The following DPH5 variants were observed in gnomAD, a reference collection of about 807,000 sequenced individuals.
DPH5 encodes the protein diphthamide biosynthesis 5.
A neutral mutation model predicts 31.6 loss-of-function variants in DPH5; 31 were observed. The observed-to-expected ratio is 0.98, with a 90% CI of 0.74 to 1.32. The LOEUF is 1.32. Ranked by LOEUF, DPH5 falls within the 40% of genes most tolerant of loss-of-function variation. The probability of loss-of-function intolerance (pLI) is 0.00; values close to 1 mark genes in which losing one functional copy is unlikely to be tolerated. For missense variants in DPH5, 309 were observed against 335.7 expected (o/e 0.92, Z 0.62); for synonymous variants, 120 against 115.0 (o/e 1.04, Z -0.28).
At chr1:101,001,804 A>G (rs1209655467) in intron 4 of DPH5, among the ~76,000 whole-genome samples, 1 of 152,164 alleles carries the variant, frequency 6.6e-6, no homozygotes, top group African/African-American at 2.4e-5. Flanking sequence ...TTTCAGTAAT[A>G]AGTTTCTAGT....
intron 7 of DPH5, among the ~76,000 whole-genome samples, chr1:100,990,963 A>T (rs1456152514): frequency 6.6e-6 from 1 of 152,232 alleles, no homozygotes; most frequent in Non-Finnish European, 1.5e-5. Context: ...TTTATTACAC[A>T]CAGGTTTTTA....
At chr1:101,012,433 C>A (rs149598161) in intron 4 of DPH5, among the ~76,000 whole-genome samples, 133 of 152,338 alleles carry the variant, frequency 8.7e-4, no homozygotes, top group Non-Finnish European at 1.5e-3. Flanking sequence ...TGGACACCCC[C>A]AGAAGGGAAG....
At chr1:101,009,116 T>A (rs1659454471) in intron 4 of DPH5, among the ~76,000 whole-genome samples, 1 of 152,220 alleles carries the variant, frequency 6.6e-6, no homozygotes, top group Non-Finnish European at 1.5e-5. Context: ...CCCATGACTT[T>A]AACTCTTCCC....
intron 5 of DPH5, among the ~76,000 whole-genome samples, chr1:100,998,793 G>T (rs1000471588): frequency 6.6e-6 from 1 of 152,206 alleles, no homozygotes; most frequent in African/African-American, 2.4e-5. Flanking sequence ...AGACTATGAA[G>T]AAAGTAGTGT....
rs74229559 is a variant in DPH5, at chr1:101,009,013, C to G, written c.369+4697G>C. 8.7e-3 allele frequency among the ~76,000 whole-genome samples: 1,318 copies of G among 152,272 alleles called. 11 individuals carry two copies. The highest frequency in any genetic ancestry group is 0.037 in the East Asian group (192 of 5,186). On this transcript the variant is annotated intron_variant, in intron 4 of 7. Coordinates refer to ENST00000370109, the MANE Select transcript of DPH5 (RefSeq NM_015958.3). The stretch of plus-strand genomic sequence containing the variant: ...TTACTTTCTGTCTCTACAGATTTGC[C>G]TTTTGGGGACACTTCATGTAAACAG...
At chr1:100,991,317 T>C (rs868467160) in intron 7 of DPH5, among the ~76,000 whole-genome samples, 1 of 152,142 alleles carries the variant, frequency 6.6e-6, no homozygotes, top group African/African-American at 2.4e-5. Context: ...TATTGTTTAG[T>C]TGGGAAAGGG....
In DPH5 at chr1:100,990,344, C is replaced by T; in HGVS notation, c.*64G>A. On this transcript the variant is annotated 3_prime_UTR_variant, in exon 8 of 8. Transcript: ENST00000370109. ...TCAAGATGAGACTTGGGTGGGGATA[C>T]ATCCAAACCATATCAATCCATATAT... The T allele has an allele frequency of 2.1e-6, 3 of 1,450,902 alleles. No homozygotes were observed. Among genetic ancestry groups the T allele is most frequent in the South Asian group, 1.2e-5 (1 of 86,302 alleles). 89.9% of individuals were successfully genotyped at this position (1,450,902 alleles called of 1,614,324 possible).
At chr1:101,012,438 G>A (rs2101243279) in intron 4 of DPH5, among the ~76,000 whole-genome samples, 1 of 152,310 alleles carries the variant, frequency 6.6e-6, no homozygotes, top group Admixed American at 6.5e-5. Context: ...ACCCCCAGAA[G>A]GGAAGAATAC....
chr1:101,024,079 G>GA (rs1414901844), intron 2 of DPH5, among the ~76,000 whole-genome samples: 1 of 151,866 alleles, frequency 6.6e-6, no homozygotes, highest in Non-Finnish European at 1.5e-5. Flanking sequence ...TCCTAAGAGT[G>GA]AAAAAATGAG....
intron 7 of DPH5, among the ~76,000 whole-genome samples, chr1:100,990,964 C>T (rs1244784488): frequency 1.3e-5 from 2 of 152,170 alleles, no homozygotes; most frequent in African/African-American, 2.4e-5. Context: ...TTATTACACA[C>T]AGGTTTTTAA....
chr1:101,025,696 C>T lies in DPH5; in HGVS notation c.-37G>A, dbSNP rs1205682007. On this transcript the variant is annotated 5_prime_UTR_variant, in exon 1 of 8. Coordinates refer to ENST00000370109, the MANE Select transcript of DPH5 (RefSeq NM_015958.3). ...GCAGCCAATTACCCGCTGAGAGAAT[C>T]GTAGGTAGTTCTCTGGCCTTTACAA... 2.0e-6 allele frequency: 1 copy of T among 507,526 alleles called. No homozygotes were observed. The highest frequency in any genetic ancestry group is 2.2e-5 in the South Asian group (1 of 44,566). 31.4% of individuals were successfully genotyped at this position (507,526 alleles called of 1,614,324 possible).
At chr1:101,024,427 T>C (rs1015265109) in intron 2 of DPH5, among the ~76,000 whole-genome samples, 5 of 152,178 alleles carry the variant, frequency 3.3e-5, no homozygotes, top group South Asian at 4.1e-4. Context: ...TCCACATATA[T>C]GTATATATCA....
At chr1:101,015,943 A>G (rs1660043964) in intron 3 of DPH5, among the ~76,000 whole-genome samples, 1 of 152,200 alleles carries the variant, frequency 6.6e-6, no homozygotes, top group Admixed American at 6.5e-5. Flanking sequence ...TTAAGGGAAT[A>G]TTGTGGCAGG....
At chr1:101,008,153 T>A (rs540308741) in intron 4 of DPH5, among the ~76,000 whole-genome samples, 15 of 152,342 alleles carry the variant, frequency 9.8e-5, no homozygotes, top group Admixed American at 4.6e-4. Context: ...TTAGACCTTA[T>A]CTAGTTTAGT....
intron 3 of DPH5, among the ~76,000 whole-genome samples, chr1:101,015,737 T>C (rs1204302319): frequency 6.6e-6 from 1 of 152,230 alleles, no homozygotes; most frequent in Non-Finnish European, 1.5e-5. Context: ...TAGTGATTCA[T>C]CAGTTACCTT....
intron 5 of DPH5, among the ~76,000 whole-genome samples, chr1:100,997,353 C>T (rs1429084486): frequency 6.6e-6 from 1 of 151,698 alleles, no homozygotes; most frequent in African/African-American, 2.4e-5. Context: ...AGTGCTGCTT[C>T]CTCTCCTTCC....
intron 3 of DPH5, among the ~76,000 whole-genome samples, chr1:101,021,070 TAG>T (rs998316878): frequency 1.3e-5 from 2 of 152,166 alleles, no homozygotes; most frequent in African/African-American, 4.8e-5. Context: ...GGCTTGACAT[TAG>T]AGATTGATGA....
intron 3 of DPH5, among the ~76,000 whole-genome samples, chr1:101,017,676 A>G (rs919823393): frequency 6.6e-6 from 1 of 152,218 alleles, no homozygotes; most frequent in African/African-American, 2.4e-5. Context: ...ACCAAGTAGG[A>G]AGATAAAGGG....
chr1:101,018,624 A>G (rs1660249251), intron 3 of DPH5, among the ~76,000 whole-genome samples: 1 of 152,210 alleles, frequency 6.6e-6, no homozygotes, highest in Non-Finnish European at 1.5e-5. Flanking sequence ...GTTTGCAATG[A>G]TATAGCGCAA....
Sources: gnomAD v4.1 joint callset for allele counts (sites outside exome capture counted in the v4.1 genomes callset) on GRCh38, gnomAD v4.1.1 for gene constraint, MANE v1.5 for transcripts, NCBI Gene and HGNC (gene_info 2026-07-23, HGNC 2026-07-21) for gene names.